Variants in WWC2 observed in about 807,000 individuals in gnomAD.
The protein encoded by WWC2 is protein WWC2.
A neutral mutation model predicts 138.5 loss-of-function variants in WWC2; 101 were observed. The observed-to-expected ratio is 0.73, with a 90% confidence interval of 0.62 to 0.86. WWC2 has a LOEUF of 0.86. WWC2 is among the 40% of genes least tolerant of loss of function. WWC2 has a pLI of 0.00. For synonymous variants in WWC2, 558 were observed against 538.4 expected, an observed-to-expected ratio of 1.04 and a Z score of -0.50; for missense variants, 1,420 against 1,419.4, an observed-to-expected ratio of 1.00 and a Z score of -0.01.
intron 8 of WWC2, among the ~76,000 whole-genome samples, chr4:183,252,338 A>T (rs1482271650): frequency 6.6e-6 from 1 of 152,196 alleles, no homozygotes; most frequent in Non-Finnish European, 1.5e-5. Flanking sequence ...TTCATAGTTC[A>T]CTGAGATCTT....
intron 21 of WWC2, among the ~76,000 whole-genome samples, chr4:183,309,528 C>A (rs1739142705): frequency 6.6e-6 from 1 of 152,190 alleles, no homozygotes; most frequent in African/African-American, 2.4e-5. Context: ...CAATGAGATA[C>A]CTCTACACAC....
chr4:183,308,939 ACTGAC>A (rs1475094212), intron 21 of WWC2, among the ~76,000 whole-genome samples: 1 of 152,206 alleles, frequency 6.6e-6, no homozygotes, highest in Non-Finnish European at 1.5e-5. Flanking sequence ...ACTATATTCA[ACTGAC>A]CTTTGACAGA....
chr4:183,265,902 G>A lies in WWC2; in HGVS notation c.2158G>A (p.Ala720Thr). Reference protein sequence around the residue: ...AKSSSFMVIIAQLRNLHAFLI... With the variant: ...AKSSSFMVIITQLRNLHAFLI... ...AAGTTCAAGTTTCATGGTGATTATAGCACAGCTCCGAAACCTTCATGCCTT... is the reference window on the plus strand; with the variant it reads ...AAGTTCAAGTTTCATGGTGATTATAACACAGCTCCGAAACCTTCATGCCTT... The change falls in exon 14 of 23, where the codon GCA becomes ACA. Residue 720 changes from alanine (A) to threonine (T), a missense_variant. Ala to Thr is a moderately conservative substitution (Grantham distance 58). Coordinates refer to ENST00000403733, the MANE Select transcript of WWC2 (RefSeq NM_024949.6). The A allele has an allele frequency of 6.2e-7, 1 of 1,613,388 alleles. No individual in the cohort carries two copies. Among genetic ancestry groups the A allele is most frequent in the Non-Finnish European group, 8.5e-7 (1 of 1,179,684 alleles).
At position 183,172,407 on chromosome 4, in the gene WWC2, A is replaced by G. The variant is rs1025540271; in HGVS notation, c.132-21192A>G. The stretch of plus-strand genomic sequence containing the variant: ...GAGGCTTTGCATCTCCACAGATGCC[A>G]TTATTCTGCTCTCATATGTGATTAA... On this transcript the variant is annotated intron_variant, in intron 1 of 22. Transcript: ENST00000403733. Among the ~76,000 whole-genome samples the G allele has an allele frequency of 3.9e-5, 6 of 152,186 alleles. No individual in the cohort carries two copies. The East Asian group carries it at 7.7e-4, about 20-fold the overall frequency.
At chr4:183,305,893 C>A (rs1248544502) in intron 21 of WWC2, among the ~76,000 whole-genome samples, 1 of 152,082 alleles carries the variant, frequency 6.6e-6, no homozygotes, top group Non-Finnish European at 1.5e-5. Context: ...ATAAATAATT[C>A]TAAGTAATGA....
intron 1 of WWC2, among the ~76,000 whole-genome samples, chr4:183,113,535 CATGCACGTGCAT>C (rs1732317281): frequency 6.7e-6 from 1 of 148,168 alleles, no homozygotes; most frequent in South Asian, 2.1e-4. Flanking sequence ...TGCGCGCGCA[CATGCACGTGCAT>C]GCAAGATGAT....
intron 1 of WWC2, among the ~76,000 whole-genome samples, chr4:183,124,659 G>A (rs570930579): frequency 6.8e-6 from 1 of 147,570 alleles, no homozygotes; most frequent in African/African-American, 2.5e-5. Context: ...GCATGATCTC[G>A]GCTCACTGCA....
chr4:183,188,858 C>G lies in WWC2; in HGVS notation c.132-4741C>G, dbSNP rs1378795048. On this transcript the variant is annotated intron_variant, in intron 1 of 22. Coordinates refer to ENST00000403733, the MANE Select transcript of WWC2 (RefSeq NM_024949.6). ...CGGGGGTTTCACCAAGTTGGCCAGG[C>G]TGGTCTCGAACTCCTGACCTCAGGT... Among the ~76,000 whole-genome samples, 8 of 151,968 alleles carry G rather than the reference C, an allele frequency of 5.3e-5. No individual in the cohort carries two copies. In the South Asian group the frequency reaches 1.7e-3, roughly 32 times the overall value.
intron 1 of WWC2, among the ~76,000 whole-genome samples, chr4:183,186,493 T>C (rs1734804136): frequency 6.6e-6 from 1 of 152,174 alleles, no homozygotes; most frequent in Admixed American, 6.5e-5. Context: ...GAATGGTTAG[T>C]AAGTGAATGT....
chr4:183,198,603 A>G (rs1160500684), intron 2 of WWC2, among the ~76,000 whole-genome samples: 2 of 151,802 alleles, frequency 1.3e-5, no homozygotes, highest in Admixed American at 6.6e-5. Flanking sequence ...CATGATATCA[A>G]TTCTTTTGAT....
intron 1 of WWC2, among the ~76,000 whole-genome samples, chr4:183,162,047 A>G (rs1281386029): frequency 6.6e-6 from 1 of 152,216 alleles, no homozygotes; most frequent in South Asian, 2.1e-4. Flanking sequence ...AATACATGAC[A>G]TTGAAAGTAC....
intron 1 of WWC2, among the ~76,000 whole-genome samples, chr4:183,161,464 G>A (rs149239589): frequency 6.6e-6 from 1 of 152,192 alleles, no homozygotes; most frequent in Non-Finnish European, 1.5e-5. Context: ...GTAACAGTGA[G>A]TAATGTGTGT....
chr4:183,207,372 G>A (rs1735474826), intron 2 of WWC2, among the ~76,000 whole-genome samples: 1 of 152,114 alleles, frequency 6.6e-6, no homozygotes, highest in Non-Finnish European at 1.5e-5. Flanking sequence ...AAGAAAAAGT[G>A]AATTACTGGA....
chr4:183,101,690 A>C (rs1743185393), intron 1 of WWC2, among the ~76,000 whole-genome samples: 1 of 152,194 alleles, frequency 6.6e-6, no homozygotes, highest in Admixed American at 6.5e-5. Context: ...TGGAGTAACT[A>C]TTAACTCCTG....
rs543576335 is a variant in WWC2 at position 183,226,683 on chromosome 4, A to G, written c.523-13500A>G. Among the ~76,000 whole-genome samples, 12 of 152,168 alleles carry G rather than the reference A, an allele frequency of 7.9e-5. 1 individual carries two copies. The highest frequency in any genetic ancestry group is 2.9e-4 in the African/African-American group (12 of 41,442). On this transcript the variant is annotated intron_variant, in intron 4 of 22. Coordinates refer to ENST00000403733, the MANE Select transcript of WWC2 (RefSeq NM_024949.6). ...GAAAACAAACAAACAAAAAACACCA[A>G]ATCAGGCTTTGTCAGGATTTCACAA...
chr4:183,276,160 C>T (rs13116042), intron 16 of WWC2, among the ~76,000 whole-genome samples: 12,173 of 152,054 alleles, frequency 0.08, 692 homozygotes, highest in Non-Finnish European at 0.12. Context: ...TTAGTGTTTG[C>T]ATGATTTATC....
chr4:183,318,271 G>A lies in WWC2; in HGVS notation c.*2542G>A, dbSNP rs930845891. The A allele has an allele frequency of 1.3e-5, 2 of 152,532 alleles. No homozygotes were observed. Among genetic ancestry groups the A allele is most frequent in the East Asian group, 1.9e-4 (1 of 5,196 alleles). 9.4% of individuals were successfully genotyped at this position (152,532 alleles called of 1,614,324 possible). The stretch of plus-strand genomic sequence containing the variant: ...AACAAAGTTTAGCTAAATCTCTGTA[G>A]CATGCAAATCAAATAAATTAAAATT... On this transcript the variant is annotated 3_prime_UTR_variant, in exon 23 of 23. Transcript: ENST00000403733.
chr4:183,125,307 T>C (rs1732726907), intron 1 of WWC2, among the ~76,000 whole-genome samples: 1 of 152,212 alleles, frequency 6.6e-6, no homozygotes. Context: ...TTTCTAGTTA[T>C]ATATGAGTGC....
At chr4:183,107,649 A>G (rs1427053680) in intron 1 of WWC2, among the ~76,000 whole-genome samples, 1 of 152,184 alleles carries the variant, frequency 6.6e-6, no homozygotes, top group African/African-American at 2.4e-5. Context: ...ATCAATAAAA[A>G]GTTAGGTAAG....
Sources: gnomAD v4.1 joint callset for allele counts (sites outside exome capture counted in the v4.1 genomes callset) on GRCh38, gnomAD v4.1.1 for gene constraint, MANE v1.5 for transcripts, NCBI Gene and HGNC (gene_info 2026-07-23, HGNC 2026-07-21) for gene names.